Variants in KCTD1 observed in about 807,000 individuals in gnomAD.
KCTD1 encodes potassium channel tetramerization domain containing 1.
A neutral mutation model predicts 66.0 loss-of-function variants in KCTD1; 24 were observed. The observed-to-expected ratio is 0.36, with a 90% confidence interval of 0.26 to 0.51. The LOEUF is 0.51. KCTD1 is among the 20% of genes least tolerant of loss of function. KCTD1 has a pLI of 0.95. For synonymous variants in KCTD1, 511 were observed against 517.2 expected (o/e 0.99, Z 0.16); for missense variants, 943 against 1,205.2 (o/e 0.78, Z 3.22).
chr18:26,546,912 C>T lies in KCTD1; in HGVS notation c.1625G>A (p.Gly542Glu), dbSNP rs1212047598. The T allele has an allele frequency of 6.7e-7, 1 of 1,482,368 alleles. No homozygotes were observed. Among genetic ancestry groups the T allele is most frequent in the African/African-American group, 1.4e-5 (1 of 70,902 alleles). 91.8% of individuals were successfully genotyped at this position (1,482,368 alleles called of 1,614,324 possible). ...PKRALYESVF[G>E]SGEICGPTSP... ...AGTGGGGCCGCAGATTTCCCCCGAC[C>T]CGAACACAGACTCGTACAGGGCGCG... Residue 542 changes from glycine to glutamate, a missense_variant, in exon 1 of 5, where the codon GGG becomes GAG. Around this residue, in one of 10 missense-constraint regions of KCTD1, gnomAD observed 197 missense variants for 182.7 expected, o/e 1.08. Coordinates refer to ENST00000580059, the MANE Select transcript of KCTD1 (RefSeq NM_001142730.3).
chr18:26,536,351 A>C (rs1315319132), intron 1 of KCTD1, among the ~76,000 whole-genome samples: 1 of 152,252 alleles, frequency 6.6e-6, no homozygotes, highest in Non-Finnish European at 1.5e-5. Context: ...GGAATGTGGC[A>C]GCTTACTTGG....
upstream of KCTD1, among the ~76,000 whole-genome samples, chr18:26,643,033 AACAAAATAGC>A (rs1481388046): frequency 1.3e-5 from 2 of 152,086 alleles, no homozygotes; most frequent in Non-Finnish European, 2.9e-5. Flanking sequence ...AGGCTGCCAT[AACAAAATAGC>A]ACAGACTGGG....
chr18:26,586,880 G>T (rs1197250183), intron 1 of KCTD1, among the ~76,000 whole-genome samples: 4 of 152,214 alleles, frequency 2.6e-5, no homozygotes. Flanking sequence ...AGCAGAGGTT[G>T]TTGGTTCATG....
intron 1 of KCTD1, among the ~76,000 whole-genome samples, chr18:26,529,323 A>G (rs370119413): frequency 1.7e-4 from 26 of 151,952 alleles, no homozygotes; most frequent in South Asian, 1.3e-3. Flanking sequence ...GAGGCTTGAA[A>G]CCTTTAAATG....
At chr18:26,470,435 C>T (rs1452715474) in intron 3 of KCTD1, among the ~76,000 whole-genome samples, 1 of 152,278 alleles carries the variant, frequency 6.6e-6, no homozygotes, top group African/African-American at 2.4e-5. Context: ...GAGGATGTGA[C>T]GCCTGGAATG....
intron 1 of KCTD1, chr18:26,545,479 C>T (rs191708426): frequency 1.1e-4 from 16 of 152,182 alleles, no homozygotes; most frequent in African/African-American, 3.6e-4. Flanking sequence ...TGAGGCTTGC[C>T]CATTAGCTGG....
upstream of KCTD1, among the ~76,000 whole-genome samples, chr18:26,643,875 T>C (rs975896201): frequency 3.3e-5 from 5 of 151,922 alleles, no homozygotes; most frequent in Admixed American, 1.3e-4. Context: ...GGCAGGAGAA[T>C]GGTGTGAACT....
At chr18:26,594,280 G>C (rs1986716278) in intron 1 of KCTD1, among the ~76,000 whole-genome samples, 2 of 152,172 alleles carry the variant, frequency 1.3e-5, no homozygotes, top group African/African-American at 4.8e-5. Flanking sequence ...AAGATCACTT[G>C]TCTGCAAATG....
chr18:26,627,260 TTTTGTGTG>T (rs1987520723), intron 1 of KCTD1, among the ~76,000 whole-genome samples: 2 of 83,794 alleles, frequency 2.4e-5, no homozygotes, highest in South Asian at 6.1e-4. Flanking sequence ...ATCTTCTGGG[TTTTGTGTG>T]TGTGTGTGTG....
intron 2 of KCTD1, among the ~76,000 whole-genome samples, chr18:26,484,136 CTG>C (rs1300549844): frequency 1.3e-5 from 2 of 152,232 alleles, no homozygotes; most frequent in Middle Eastern, 3.4e-3. Flanking sequence ...AGTATTATAA[CTG>C]TTAAAAATTC....
chr18:26,492,768 C>T (rs1982272736), intron 2 of KCTD1, among the ~76,000 whole-genome samples: 1 of 152,068 alleles, frequency 6.6e-6, no homozygotes, highest in Admixed American at 6.6e-5. Flanking sequence ...GGTGAAGCCA[C>T]TTAACCTCTC....
intron 1 of KCTD1, among the ~76,000 whole-genome samples, chr18:26,555,672 T>G (rs1202624841): frequency 6.6e-6 from 1 of 152,250 alleles, no homozygotes; most frequent in Non-Finnish European, 1.5e-5. Flanking sequence ...CATTTTATAC[T>G]GTCTTAGAGA....
intron 1 of KCTD1, among the ~76,000 whole-genome samples, chr18:26,625,158 T>A (rs1413675177): frequency 6.6e-6 from 1 of 152,226 alleles, no homozygotes; most frequent in Non-Finnish European, 1.5e-5. Flanking sequence ...CAAAAGGGAC[T>A]TGCCTTGTCT....
intron 4 of KCTD1, 70 bp downstream of exon 4, chr18:26,459,550 G>T: frequency 6.9e-7 from 1 of 1,453,552 alleles, no homozygotes; most frequent in Non-Finnish European, 9.3e-7. Flanking sequence ...AAGGCACCAT[G>T]TGAGGGCAAG....
chr18:26,535,120 T>TGGGGGGGGG (rs374295043), intron 1 of KCTD1, among the ~76,000 whole-genome samples: 10 of 128,200 alleles, frequency 7.8e-5, no homozygotes, highest in East Asian at 2.6e-4. Context: ...GGGGTGGGGG[T>TGGGGGGGGG]GGAGCTGCCA....
chr18:26,455,890 C>T lies in KCTD1; in HGVS notation c.2451G>A (p.Arg817=), dbSNP rs768225259. ...CGATTTCAAATCCTCTTTGCTGCAA[C>T]CTCTCGAGGACCTGCGAGGGAACAA... is the stretch of plus-strand genomic sequence containing the variant. ...CHLNSVQVLE[R]LQQRGFEIVG... Residue 817 remains arginine, a synonymous_variant, in exon 5 of 5, where the codon AGG becomes AGA. Coordinates refer to ENST00000580059, the MANE Select transcript of KCTD1 (RefSeq NM_001142730.3). 3 of 1,613,812 alleles carry T rather than the reference C, an allele frequency of 1.9e-6. No individual in the cohort carries two copies. The highest frequency in any genetic ancestry group is 2.5e-6 in the Non-Finnish European group (3 of 1,179,708).
chr18:26,632,004 C>T (rs576953637), upstream of KCTD1, among the ~76,000 whole-genome samples: 8 of 152,030 alleles, frequency 5.3e-5, no homozygotes, highest in Middle Eastern at 3.4e-3. Flanking sequence ...GAGCCGAGAT[C>T]GCGCCACTGC....
chr18:26,489,717 G>C (rs1017126562), intron 2 of KCTD1, among the ~76,000 whole-genome samples: 4 of 152,196 alleles, frequency 2.6e-5, no homozygotes, highest in African/African-American at 9.6e-5. Context: ...TTCCAGCCTA[G>C]CATACGCATA....
chr18:26,469,433 A>G (rs1980931998), intron 3 of KCTD1, among the ~76,000 whole-genome samples: 1 of 152,200 alleles, frequency 6.6e-6, no homozygotes, highest in Admixed American at 6.5e-5. Flanking sequence ...AGGAAAAATA[A>G]TGCCTGCTAT....
Sources: allele counts gnomAD v4.1 joint callset (sites outside exome capture counted in the v4.1 genomes callset), GRCh38; gene constraint gnomAD v4.1.1; regional missense constraint gnomAD v4.1.1; transcripts MANE v1.5; gene names NCBI Gene and HGNC (gene_info 2026-07-23, HGNC 2026-07-21).